The following ABCA4 variants were observed in gnomAD, a reference collection of about 807,000 sequenced individuals.
ABCA4 encodes retinal-specific phospholipid-transporting ATPase ABCA4.
ABCA4 carries 196 observed loss-of-function variants against 263.7 expected under a neutral mutation model. That is an observed-to-expected ratio of 0.74 (90% confidence interval 0.66 to 0.84). The LOEUF is 0.84. Ranked by LOEUF, ABCA4 falls within the 40% of genes least tolerant of loss-of-function variation. The pLI, the probability that ABCA4 is intolerant of heterozygous loss-of-function variation, is 0.00. For missense variants in ABCA4, 2,792 were observed against 2,855.1 expected (o/e 0.98, Z 0.50); for synonymous variants, 1,133 against 1,094.2 (o/e 1.04, Z -0.70).
chr1:94,024,748 C>CA (rs1229919627), intron 31 of ABCA4, among the ~76,000 whole-genome samples: 2 of 151,834 alleles, frequency 1.3e-5, no homozygotes, highest in East Asian at 1.9e-4. Context: ...AAACAAACAA[C>CA]AAAAAAAGAA....
chr1:94,030,870 A>G (rs914106620), intron 28 of ABCA4, 126 bp downstream of exon 28: 25 of 1,432,716 alleles, frequency 1.7e-5, no homozygotes, highest in Admixed American at 5.7e-5. Context: ...AGGCAGCCCA[A>G]AGACCCCTCC....
At chr1:94,001,830 C>T (rs1272942380) in intron 45 of ABCA4, 28 bp downstream of exon 45, 2 of 1,614,166 alleles carry the variant, frequency 1.2e-6, no homozygotes, top group Non-Finnish European at 1.7e-6. Context: ...TGGTTTAAGC[C>T]CTTGGTGCGG....
intron 26 of ABCA4, among the ~76,000 whole-genome samples, chr1:94,036,136 T>C (rs1304962849): frequency 2.6e-5 from 4 of 151,770 alleles, no homozygotes; most frequent in Admixed American, 1.3e-4. Context: ...CAGGAGGAGA[T>C]GAGGATGATG....
intron 47 of ABCA4, 76 bp downstream of exon 47, chr1:94,000,760 C>A: frequency 1.3e-6 from 2 of 1,483,846 alleles, no homozygotes; most frequent in South Asian, 2.3e-5. Flanking sequence ...AGGACTCTTC[C>A]AAGTGTCAAT....
intron 35 of ABCA4, 23 bp downstream of exon 35, chr1:94,021,217 A>G (rs766569029): frequency 1.2e-5 from 20 of 1,614,002 alleles, no homozygotes; most frequent in Non-Finnish European, 1.7e-5. Flanking sequence ...GAAAGTGGTG[A>G]GGCTGGGGCT....
chr1:94,117,714 C>T (rs1002489011), intron 1 of ABCA4, among the ~76,000 whole-genome samples: 2 of 152,134 alleles, frequency 1.3e-5, no homozygotes, highest in Non-Finnish European at 2.9e-5. Context: ...CTCCTCTGAG[C>T]TCACAGACCT....
chr1:94,108,716 G>A lies in ABCA4; in HGVS notation c.303C>T (p.Ile101=), dbSNP rs1445770459. The A allele has an allele frequency of 6.2e-7, 1 of 1,613,708 alleles. No individual in the cohort carries two copies. Among genetic ancestry groups the A allele is most frequent in the Non-Finnish European group, 8.5e-7 (1 of 1,179,966 alleles). The change falls in exon 4 of 50, where the codon ATC becomes ATT. Residue 101 remains isoleucine (I), a splice_region_variant and synonymous_variant. Transcript: ENST00000370225. ...GAAAATCTCGATATACCCTTGCCAA[G>A]CTGTAAGGACAAAGCCTCATTAATA... ...PGIVSNYNNS[I]LARVYRDFQE...
chr1:94,044,838 C>A, intron 19 of ABCA4, 94 bp from the exon 20 acceptor site: 1 of 1,590,770 alleles, frequency 6.3e-7, no homozygotes, highest in Non-Finnish European at 8.6e-7. Flanking sequence ...AGAACTCTCA[C>A]AGATTCCTGC....
rs74102059 is a variant in ABCA4, at chr1:94,002,769, A to G, written c.6148-777T>C. 0.13 allele frequency among the ~76,000 whole-genome samples: 19,349 copies of G among 151,922 alleles called. 2,054 individuals carry two copies. The highest frequency in any genetic ancestry group is 0.29 in the African/African-American group (12,072 of 41,340). On this transcript the variant is annotated intron_variant, in intron 44 of 49. Transcript: ENST00000370225. ...TCTCCCTGGGCCACCCTACCTCAAA[A>G]TGCAAACCCTGCCCCAGCAGTTCCT...
intron 9 of ABCA4, 118 bp from the exon 10 acceptor site, chr1:94,078,824 G>T (rs534935670): frequency 2.5e-6 from 2 of 808,290 alleles, no homozygotes; most frequent in Middle Eastern, 2.2e-4. Context: ...TTTCAAGGAA[G>T]TGTTTTTATT....
rs61753019 is a variant in ABCA4 at position 94,019,722 on chromosome 1, C to T, written c.5056G>A (p.Val1686Met). The T allele has an allele frequency of 3.1e-4, 501 of 1,613,496 alleles. No homozygotes were observed. The highest frequency in any genetic ancestry group is 1.5e-3 in the African/African-American group (115 of 75,044). ...GGGACGAAGGACATGGAGAAAATCACGCAGATGGCAACCACAGCATCCACT... is the reference window on the plus strand; with the variant it reads ...GGGACGAAGGACATGGAGAAAATCATGCAGATGGCAACCACAGCATCCACT... ...TSVDAVVAIC[V>M]IFSMSFVPAS... Residue 1686 changes from valine to methionine, a missense_variant, in exon 36 of 50, where the codon GTG becomes ATG. By Grantham distance (21) the Val-to-Met change is conservative (BLOSUM62 1). Transcript: ENST00000370225.
intron 36 of ABCA4, among the ~76,000 whole-genome samples, chr1:94,018,187 A>G (rs1045130934): frequency 1.3e-5 from 2 of 150,950 alleles, no homozygotes; most frequent in African/African-American, 4.8e-5. Context: ...CTGTAAGCGC[A>G]CACGCGCGTG....
At chr1:94,050,351 T>C (rs886461068) in intron 17 of ABCA4, among the ~76,000 whole-genome samples, 3 of 152,230 alleles carry the variant, frequency 2.0e-5, no homozygotes, top group Non-Finnish European at 2.9e-5. Flanking sequence ...AGGTGACCAA[T>C]AGGGGAAGAT....
intron 4 of ABCA4, among the ~76,000 whole-genome samples, chr1:94,103,596 C>T (rs950419962): frequency 2.0e-5 from 3 of 152,292 alleles, no homozygotes; most frequent in African/African-American, 7.2e-5. Context: ...CCCTCCCCCA[C>T]ACAAAGGATT....
chr1:94,105,464 CG>C (rs1662405651), intron 4 of ABCA4, among the ~76,000 whole-genome samples: 1 of 152,072 alleles, frequency 6.6e-6, no homozygotes, highest in Non-Finnish European at 1.5e-5. Flanking sequence ...CTGAGGAGGG[CG>C]GGGGCCCAGG....
intron 44 of ABCA4, 88 bp from the exon 45 acceptor site, chr1:94,002,080 A>C: frequency 3.4e-4 from 533 of 1,568,098 alleles, no homozygotes; most frequent in Non-Finnish European, 4.0e-4. Flanking sequence ...CCCAGATCTC[A>C]CGCCTCCAGA....
At chr1:94,103,233 C>T in intron 4 of ABCA4, 91 bp from the exon 5 acceptor site, 1 of 1,498,642 alleles carries the variant, frequency 6.7e-7, no homozygotes, top group Non-Finnish European at 9.2e-7. Flanking sequence ...ACACTTGTAA[C>T]TCAACTCTCA....
intron 6 of ABCA4, among the ~76,000 whole-genome samples, chr1:94,084,215 T>C (rs907987110): frequency 1.3e-5 from 2 of 152,266 alleles, no homozygotes; most frequent in African/African-American, 4.8e-5. Flanking sequence ...ATGGAATCAC[T>C]GATCCTAGAG....
At chr1:94,017,005 GC>G (rs1659765071) in intron 36 of ABCA4, among the ~76,000 whole-genome samples, 1 of 152,044 alleles carries the variant, frequency 6.6e-6, no homozygotes, top group African/African-American at 2.4e-5. Flanking sequence ...AGCTTCAACG[GC>G]CCCCCACTGA....
Sources: allele counts gnomAD v4.1 joint callset (sites outside exome capture counted in the v4.1 genomes callset), GRCh38; gene constraint gnomAD v4.1.1; transcripts MANE v1.5; gene names NCBI Gene and HGNC (gene_info 2026-07-23, HGNC 2026-07-21).